Variants in LBP observed in about 807,000 individuals in gnomAD.
LBP encodes lipopolysaccharide binding protein, also known as lipopolysaccharide-binding protein.
Under a neutral mutation model 56.6 loss-of-function variants are expected in LBP, and 53 were observed. The observed-to-expected ratio is 0.94, with a 90% confidence interval of 0.75 to 1.18. LBP has a LOEUF of 1.18. LBP is among the 50% of genes most tolerant of loss of function. The probability of loss-of-function intolerance (pLI) is 0.00; values close to 1 mark genes in which losing one functional copy is unlikely to be tolerated. For synonymous variants in LBP, 227 were observed against 247.5 expected (o/e 0.92, Z 0.78); for missense variants, 601 against 598.3 (o/e 1.00, Z -0.05).
At chr20:38,353,121 T>A (rs1453442750) in intron 3 of LBP, among the ~76,000 whole-genome samples, 1 of 152,220 alleles carries the variant, frequency 6.6e-6, no homozygotes, top group African/African-American at 2.4e-5. Flanking sequence ...GGCATATGAC[T>A]ATCTACCTCA....
intron 6 of LBP, among the ~76,000 whole-genome samples, chr20:38,362,604 C>A (rs1322260232): frequency 6.9e-6 from 1 of 144,084 alleles, no homozygotes; most frequent in Admixed American, 6.8e-5. Context: ...CAGAACAAGA[C>A]TCTGTCTCAA....
chr20:38,354,335 C>A lies in LBP; in HGVS notation c.420C>A (p.Val140=). 6.2e-7 allele frequency: 1 copy of A among 1,613,820 alleles called. No homozygotes were observed. Among genetic ancestry groups the A allele is most frequent in the South Asian group, 1.1e-5 (1 of 91,048 alleles). ...DVSVKGISIS[V]NLLLGSESSG... ...GTGTCAAGGGCATCAGCATTTCGGT[C>A]AACCTCCTGTTGGGCAGCGAGTCCT... is the stretch of plus-strand genomic sequence containing the variant. The change falls in exon 4 of 15, where the codon GTC becomes GTA. Residue 140 remains valine, a synonymous_variant. Coordinates refer to ENST00000217407, the MANE Select transcript of LBP (RefSeq NM_004139.5).
At chr20:38,364,506 AG>A in intron 7 of LBP, 69 bp from the exon 8 acceptor site, 2 of 1,433,952 alleles carry the variant, frequency 1.4e-6, no homozygotes, top group Non-Finnish European at 9.8e-7. Flanking sequence ...CGGACTGTGT[AG>A]GGGAATACCT....
intron 5 of LBP, among the ~76,000 whole-genome samples, chr20:38,360,167 G>A (rs1238944880): frequency 2.0e-5 from 3 of 151,156 alleles, no homozygotes; most frequent in African/African-American, 4.9e-5. Flanking sequence ...CAGGAGAATC[G>A]CTTGAACCCA....
At chr20:38,360,917 G>C in intron 6 of LBP, 150 bp downstream of exon 6, 1 of 533,748 alleles carries the variant, frequency 1.9e-6, no homozygotes, top group Non-Finnish European at 3.2e-6. Flanking sequence ...AATCTCAGCA[G>C]TCTGGGAGGC....
intron 3 of LBP, among the ~76,000 whole-genome samples, chr20:38,353,807 G>A (rs1403791938): frequency 6.6e-6 from 1 of 151,940 alleles, no homozygotes; most frequent in Non-Finnish European, 1.5e-5. Context: ...CATTTTTAAT[G>A]ACTTTTACAT....
chr20:38,359,138 T>A (rs561305457), intron 5 of LBP, among the ~76,000 whole-genome samples: 1 of 152,144 alleles, frequency 6.6e-6, no homozygotes, highest in African/African-American at 2.4e-5. Context: ...ATCTTTATGA[T>A]TTTTTTTCCT....
intron 8 of LBP, among the ~76,000 whole-genome samples, chr20:38,366,511 G>A (rs971884204): frequency 1.3e-5 from 2 of 152,216 alleles, no homozygotes; most frequent in African/African-American, 4.8e-5. Context: ...ACCGAAGTCT[G>A]TGTGACCGCA....
chr20:38,364,257 C>T (rs1053002677), intron 7 of LBP, among the ~76,000 whole-genome samples, 191 bp downstream of exon 7: 1 of 152,174 alleles, frequency 6.6e-6, no homozygotes, highest in South Asian at 2.1e-4. Context: ...TGTCTTACAC[C>T]TCTCAGGTCT....
intron 9 of LBP, 109 bp from the exon 10 acceptor site, chr20:38,368,886 A>G (rs1464362396): frequency 5.2e-6 from 6 of 1,161,148 alleles, no homozygotes; most frequent in Admixed American, 4.0e-5. Context: ...TTTTGTTGGA[A>G]ATAAAATCAA....
At chr20:38,361,183 A>G (rs1405021146) in intron 6 of LBP, among the ~76,000 whole-genome samples, 2 of 151,830 alleles carry the variant, frequency 1.3e-5, no homozygotes, top group Admixed American at 6.6e-5. Context: ...AAAAAAAAAA[A>G]GAAAGTAAAA....
At chr20:38,354,898 G>T (rs561781340) in intron 4 of LBP, among the ~76,000 whole-genome samples, 1 of 152,098 alleles carries the variant, frequency 6.6e-6, no homozygotes, top group Non-Finnish European at 1.5e-5. Context: ...CCTGGGCAAC[G>T]TGGTAAAACC....
Position 38,373,143 on chromosome 20 carries a change from T to C in LBP, c.1324+8T>C. On this transcript the variant is annotated splice_region_variant and intron_variant, in intron 13 of 14. Transcript: ENST00000217407. ...TCTACCCCAAGTTCAATGGTAAGAA[T>C]CACTGTGGATTTTTCCAAGTCAAAA... The C allele has an allele frequency of 6.2e-7, 1 of 1,611,848 alleles. No homozygotes were observed. Among genetic ancestry groups the C allele is most frequent in the Admixed American group, 1.7e-5 (1 of 60,024 alleles).
At chr20:38,346,761 T>C in intron 1 of LBP, 121 bp downstream of exon 1, 4 of 1,348,810 alleles carry the variant, frequency 3.0e-6, no homozygotes, top group Non-Finnish European at 4.1e-6. Flanking sequence ...TGCCACCTTC[T>C]GGGTCAGGTG....
intron 13 of LBP, 54 bp downstream of exon 13, chr20:38,373,189 G>GA (rs2076906721): frequency 6.7e-7 from 1 of 1,494,856 alleles, no homozygotes; most frequent in Non-Finnish European, 9.3e-7. Context: ...CTGTCTGGAG[G>GA]AAAGAGAGTT....
intron 1 of LBP, among the ~76,000 whole-genome samples, chr20:38,348,549 C>T (rs1251288034): frequency 1.3e-5 from 2 of 152,174 alleles, no homozygotes; most frequent in South Asian, 2.1e-4. Context: ...CCACCCGCCT[C>T]GGCCTCCCAA....
chr20:38,349,409 G>A (rs1568826323), intron 1 of LBP, 139 bp from the exon 2 acceptor site: 5 of 678,070 alleles, frequency 7.4e-6, no homozygotes, highest in African/African-American at 3.5e-5. Context: ...ACACAGAGGG[G>A]CTCATATCCT....
At chr20:38,371,854 T>C (rs1236609018) in intron 12 of LBP, among the ~76,000 whole-genome samples, 2 of 152,156 alleles carry the variant, frequency 1.3e-5, no homozygotes, top group African/African-American at 2.4e-5. Context: ...CTAGCTCTCA[T>C]TGGACTAATC....
chr20:38,376,706 T>C lies in LBP; in HGVS notation c.*37T>C. 1.3e-6 allele frequency: 2 copies of C among 1,577,698 alleles called. No individual in the cohort carries two copies. Among genetic ancestry groups the C allele is most frequent in the Non-Finnish European group, 1.7e-6 (2 of 1,146,950 alleles). On this transcript the variant is annotated 3_prime_UTR_variant, in exon 15 of 15. Coordinates refer to ENST00000217407, the MANE Select transcript of LBP (RefSeq NM_004139.5). ...ATGAAGCTTGGAGGTCACAGCTGGA[T>C]CTGCTTGTTGCATTTCCAGCTGTGC...
Sources: allele counts gnomAD v4.1 joint callset (sites outside exome capture counted in the v4.1 genomes callset), GRCh38; gene constraint gnomAD v4.1.1; transcripts MANE v1.5; gene names NCBI Gene and HGNC (gene_info 2026-07-23, HGNC 2026-07-21).